The following ZFHX3 variants were observed in gnomAD, a reference collection of about 807,000 sequenced individuals.
The protein encoded by ZFHX3 is zinc finger homeobox 3.
ZFHX3 carries 42 observed loss-of-function variants against 279.1 expected under a neutral mutation model. That is an observed-to-expected ratio of 0.15 (90% confidence interval 0.12 to 0.19). ZFHX3 has a LOEUF of 0.19. Ranked by LOEUF, ZFHX3 falls within the 10% of genes least tolerant of loss-of-function variation. The pLI, the probability that ZFHX3 is intolerant of heterozygous loss-of-function variation, is 1.00. For missense variants in ZFHX3, 4,981 were observed against 4,754.0 expected (o/e 1.05, Z -1.40); for synonymous variants, 2,293 against 1,957.8 (o/e 1.17, Z -4.52).
At chr16:72,946,828 T>C (rs879770730) in intron 3 of ZFHX3, among the ~76,000 whole-genome samples, 2 of 152,144 alleles carry the variant, frequency 1.3e-5, no homozygotes, top group Non-Finnish European at 2.9e-5. Context: ...CAGGGTGTAG[T>C]CCTCTGAGAA....
intron 5 of ZFHX3, among the ~76,000 whole-genome samples, chr16:73,149,105 T>C (rs554431351): frequency 2.7e-5 from 4 of 148,678 alleles, no homozygotes; most frequent in African/African-American, 7.3e-5. Context: ...TCAGCAATTA[T>C]TGTTGATATT....
chr16:72,805,514 G>A (rs1288094541), intron 7 of ZFHX3, among the ~76,000 whole-genome samples: 3 of 152,082 alleles, frequency 2.0e-5, no homozygotes, highest in Admixed American at 2.0e-4. Flanking sequence ...CTCAGGCACA[G>A]ACCTCCTTGG....
At chr16:72,937,780 TCCTCTGCCTCCAAGAG>T (rs2041878500) in intron 3 of ZFHX3, among the ~76,000 whole-genome samples, 1 of 152,230 alleles carries the variant, frequency 6.6e-6, no homozygotes, top group Admixed American at 6.5e-5. Flanking sequence ...CTGACCTTCC[TCCTCTGCCTCCAAGAG>T]CCTTTTTTTG....
chr16:72,905,867 T>C (rs1163622025), intron 3 of ZFHX3, among the ~76,000 whole-genome samples: 2 of 152,184 alleles, frequency 1.3e-5, no homozygotes, highest in African/African-American at 2.4e-5. Context: ...TTTATTTTCT[T>C]CCTGAATTTC....
At chr16:73,707,186 T>C (rs1295536939) in intron 1 of ZFHX3, among the ~76,000 whole-genome samples, 1 of 152,220 alleles carries the variant, frequency 6.6e-6, no homozygotes, top group East Asian at 1.9e-4. Context: ...GTATTTGCTC[T>C]TTCCCTGTGA....
chr16:73,648,552 G>A (rs1385592414), intron 2 of ZFHX3, among the ~76,000 whole-genome samples: 1 of 151,998 alleles, frequency 6.6e-6, no homozygotes, highest in Non-Finnish European at 1.5e-5. Flanking sequence ...ACCATGCGCA[G>A]CTAATTTTTG....
chr16:73,780,565 C>A (rs991208248), intron 1 of ZFHX3, among the ~76,000 whole-genome samples: 9 of 151,952 alleles, frequency 5.9e-5, no homozygotes, highest in Non-Finnish European at 1.2e-4. Context: ...GCCTCTGCCT[C>A]CCAAGGAGCT....
chr16:73,388,805 G>A (rs1414761481), intron 3 of ZFHX3: 1 of 152,222 alleles, frequency 6.6e-6, no homozygotes, highest in East Asian at 1.9e-4. Flanking sequence ...CATTTAGTTC[G>A]ATCTTTTCCT....
At chr16:73,259,200 C>A (rs926485334) in intron 4 of ZFHX3, among the ~76,000 whole-genome samples, 3 of 152,182 alleles carry the variant, frequency 2.0e-5, no homozygotes, top group Non-Finnish European at 2.9e-5. Flanking sequence ...GGAAACACAG[C>A]TAGATGTGGG....
chr16:73,831,915 T>C (rs1489111206), intron 1 of ZFHX3, among the ~76,000 whole-genome samples: 4 of 152,196 alleles, frequency 2.6e-5, no homozygotes, highest in Non-Finnish European at 5.9e-5. Flanking sequence ...GTTTTTTTGT[T>C]TTTGAAATGG....
Position 73,423,199 on chromosome 16 carries a change from T to C in ZFHX3, c.-1291+32804A>G, listed in dbSNP as rs752824883. Among the ~76,000 whole-genome samples the C allele has an allele frequency of 2.0e-5, 3 of 150,494 alleles. No individual in the cohort carries two copies. The Admixed American group carries it at 2.0e-4, about 10-fold the overall frequency. ...GGCTGGGGAGGGACAAAATTCATCC[T>C]ATAACACCACCCTTTGTTATTCAAG... On this transcript the variant is annotated intron_variant, in intron 3 of 17. Transcript: ENST00000641206.
intron 4 of ZFHX3, among the ~76,000 whole-genome samples, chr16:72,884,006 T>C (rs1166822495): frequency 1.3e-5 from 2 of 151,454 alleles, no homozygotes; most frequent in Non-Finnish European, 2.9e-5. Context: ...TGAAATTGCA[T>C]ATAATTTAGC....
chr16:73,102,423 T>A (rs1038656170), intron 7 of ZFHX3, among the ~76,000 whole-genome samples: 2 of 152,214 alleles, frequency 1.3e-5, no homozygotes, highest in Non-Finnish European at 2.9e-5. Flanking sequence ...TGGAAGTGAA[T>A]TTCTTTAGGT....
intron 1 of ZFHX3, among the ~76,000 whole-genome samples, chr16:73,707,955 GA>G (rs1050695841): frequency 1.3e-5 from 2 of 151,280 alleles, no homozygotes; most frequent in Non-Finnish European, 2.9e-5. Context: ...TTATATTATA[GA>G]AAAAAATGGT....
chr16:73,649,652 A>AC (rs1434296998), intron 2 of ZFHX3, among the ~76,000 whole-genome samples: 1 of 152,170 alleles, frequency 6.6e-6, no homozygotes, highest in African/African-American at 2.4e-5. Flanking sequence ...GGGTCAGCAA[A>AC]TCCAGTGCAC....
chr16:73,582,292 A>G (rs1050263041), intron 2 of ZFHX3, among the ~76,000 whole-genome samples: 1 of 151,824 alleles, frequency 6.6e-6, no homozygotes, highest in African/African-American at 2.4e-5. Context: ...TGTTCTTCAC[A>G]CTAGCTTTCA....
chr16:73,227,848 CAAAAAAAAAAAAAA>C (rs398029895), intron 5 of ZFHX3, among the ~76,000 whole-genome samples: 1 of 46,042 alleles, frequency 2.2e-5, no homozygotes. Context: ...GATTCTGTCT[CAAAAAAAAAAAAAA>C]AAAAAAAAAA....
chr16:73,731,199 T>C (rs572150884), intron 1 of ZFHX3, among the ~76,000 whole-genome samples: 2 of 152,172 alleles, frequency 1.3e-5, no homozygotes, highest in South Asian at 2.1e-4. Flanking sequence ...TCAGAAGGAA[T>C]AAAGAGAGAA....
chr16:73,868,045 C>T (rs1048265272), intron 1 of ZFHX3, among the ~76,000 whole-genome samples: 1 of 152,346 alleles, frequency 6.6e-6, no homozygotes, highest in South Asian at 2.1e-4. Flanking sequence ...CCTGCCCCTC[C>T]CTAAACCTGG....
Sources: gnomAD v4.1 joint callset for allele counts (sites outside exome capture counted in the v4.1 genomes callset) on GRCh38, gnomAD v4.1.1 for gene constraint, MANE v1.5 for transcripts, NCBI Gene and HGNC (gene_info 2026-07-23, HGNC 2026-07-21) for gene names.